The following MCOLN2 variants were observed in gnomAD, a reference collection of about 807,000 sequenced individuals.
MCOLN2 encodes the protein mucolipin TRP cation channel 2.
MCOLN2 carries 57 observed loss-of-function variants against 67.5 expected under a neutral mutation model. That is an observed-to-expected ratio of 0.84 (90% CI 0.68 to 1.05). The LOEUF (loss-of-function observed/expected upper bound fraction) is 1.05. Ranked by LOEUF, MCOLN2 falls within the 50% of genes least tolerant of loss-of-function variation. The probability of loss-of-function intolerance (pLI) is 0.00; values close to 1 mark genes in which losing one functional copy is unlikely to be tolerated. For synonymous variants in MCOLN2, 246 were observed against 233.3 expected, an observed-to-expected ratio of 1.05 and a Z score of -0.50; for missense variants, 620 against 678.8, an observed-to-expected ratio of 0.91 and a Z score of 0.96.
chr1:84,993,174 CT>C (rs1422956241), intron 1 of MCOLN2, among the ~76,000 whole-genome samples: 1 of 152,214 alleles, frequency 6.6e-6, no homozygotes, highest in African/African-American at 2.4e-5. Flanking sequence ...CAAGAAACCA[CT>C]TTCGTTGCTC....
chr1:84,966,380 A>G (rs1209004173), intron 1 of MCOLN2, among the ~76,000 whole-genome samples: 3 of 152,200 alleles, frequency 2.0e-5, no homozygotes, highest in African/African-American at 7.2e-5. Context: ...ATCTGTCACT[A>G]CAGAAAGTAT....
intron 7 of MCOLN2, among the ~76,000 whole-genome samples, chr1:84,942,000 C>G (rs143880415): frequency 1.3e-5 from 2 of 152,340 alleles, no homozygotes; most frequent in East Asian, 3.9e-4. Context: ...CTTCTTCACC[C>G]TACAGCCACA....
chr1:84,965,718 A>G lies in MCOLN2; in HGVS notation c.78-10T>C, dbSNP rs758355866. On this transcript the variant is annotated splice_polypyrimidine_tract_variant and intron_variant, in intron 1 of 13. Transcript: ENST00000370608. ...ATGTGCCATTGCATTTCTGCCACAG[A>G]AGATTAATTTTAAATATCCAGGAAA... 3.1e-6 allele frequency: 5 copies of G among 1,608,610 alleles called. No homozygotes were observed. The highest frequency in any genetic ancestry group is 4.2e-6 in the Non-Finnish European group (5 of 1,178,218).
intron 4 of MCOLN2, among the ~76,000 whole-genome samples, chr1:84,953,096 A>G (rs1182387831): frequency 3.3e-5 from 5 of 152,204 alleles, no homozygotes; most frequent in Non-Finnish European, 7.3e-5. Flanking sequence ...GTATTGTATC[A>G]ATGATAACTC....
At chr1:84,959,496 G>T in intron 2 of MCOLN2, among the ~76,000 whole-genome samples, 1 of 152,022 alleles carries the variant, frequency 6.6e-6, no homozygotes, top group South Asian at 2.1e-4. Context: ...AGCACCAAAA[G>T]TTTACACAAA....
intron 1 of MCOLN2, among the ~76,000 whole-genome samples, chr1:84,993,619 CTTTTT>C (rs869075778): frequency 1.2e-4 from 14 of 118,530 alleles, no homozygotes; most frequent in East Asian, 2.3e-4. Flanking sequence ...TAAATAATGT[CTTTTT>C]TTTTTTTTTT....
chr1:84,952,534 G>A lies in MCOLN2; in HGVS notation c.566-4C>T, dbSNP rs764324881. 3.8e-6 allele frequency: 6 copies of A among 1,596,960 alleles called. No individual in the cohort carries two copies. In the South Asian group the frequency reaches 5.5e-5, roughly 15 times the overall value. On this transcript the variant is annotated splice_polypyrimidine_tract_variant and splice_region_variant and intron_variant, in intron 4 of 13. Transcript: ENST00000370608. ...TGAAGGTCTAATTGAACACAATCTA[G>A]GGCAATGAAAGAACAAGAAATGGTT... is the stretch of plus-strand genomic sequence containing the variant.
intron 1 of MCOLN2, among the ~76,000 whole-genome samples, chr1:84,990,924 G>A (rs1215492059): frequency 1.3e-5 from 2 of 151,006 alleles, no homozygotes; most frequent in South Asian, 2.1e-4. Flanking sequence ...GACAGAACAC[G>A]ACCCAGGCTG....
intron 11 of MCOLN2, 79 bp downstream of exon 11, chr1:84,937,676 G>A: frequency 1.3e-6 from 2 of 1,574,558 alleles, no homozygotes; most frequent in Non-Finnish European, 1.7e-6. Context: ...AGAAGACCAG[G>A]AAGCAAGTAA....
rs1455803923 is a variant in MCOLN2 at position 84,950,726 on chromosome 1, T to C, written c.747+1517A>G. On this transcript the variant is annotated intron_variant, in intron 6 of 13. Transcript: ENST00000370608. Reference sequence around the variant, plus strand: ...GGATATGTAGGTGATCAAATCCACATGCACCTGCCTGTCTCTGAACACAAG... The same window carrying C: ...GGATATGTAGGTGATCAAATCCACACGCACCTGCCTGTCTCTGAACACAAG... 5.3e-5 allele frequency among the ~76,000 whole-genome samples: 8 copies of C among 152,308 alleles called. 1 individual carries two copies. In the Middle Eastern group the frequency reaches 0.02, roughly 389 times the overall value.
At chr1:84,931,920 A>C (rs1382723087) in intron 11 of MCOLN2, among the ~76,000 whole-genome samples, 2 of 151,944 alleles carry the variant, frequency 1.3e-5, no homozygotes, top group Non-Finnish European at 2.9e-5. Flanking sequence ...GCTATTCAGG[A>C]GGCTGGGGTG....
At position 84,939,610 on chromosome 1, in the gene MCOLN2, A is replaced by G; in HGVS notation, c.1053T>C (p.Ile351=). The stretch of plus-strand genomic sequence containing the variant: ...CAATGATTGTCATTAGGTCGCTGAT[A>G]ATCACCAGGACATACCAGCCGTTGA... ...EFINGWYVLV[I]ISDLMTIIGS... is the part of the protein sequence containing the mutation. Residue 351 remains isoleucine (I), a synonymous_variant, in exon 9 of 14, where the codon ATT becomes ATC. Transcript: ENST00000370608. 2 of 1,614,162 alleles carry G rather than the reference A, an allele frequency of 1.2e-6. No homozygotes were observed. Among genetic ancestry groups the G allele is most frequent in the South Asian group, 2.2e-5 (2 of 91,084 alleles).
chr1:84,945,811 A>G (rs1648069732), intron 7 of MCOLN2, among the ~76,000 whole-genome samples: 1 of 152,114 alleles, frequency 6.6e-6, no homozygotes, highest in Admixed American at 6.5e-5. Flanking sequence ...CAGTGGCATG[A>G]TCTCGGTTCA....
At chr1:84,991,203 T>C (rs1650874418) in intron 1 of MCOLN2, among the ~76,000 whole-genome samples, 1 of 152,116 alleles carries the variant, frequency 6.6e-6, no homozygotes, top group Non-Finnish European at 1.5e-5. Flanking sequence ...CCTGCCTTAG[T>C]TTGTGCACGA....
rs1331663008 is a variant in MCOLN2 at position 84,987,972 on chromosome 1, C to T, written c.77+8824G>A. 1.2e-4 allele frequency among the ~76,000 whole-genome samples: 19 copies of T among 152,056 alleles called. 1 individual carries two copies. Among genetic ancestry groups the T allele is most frequent in the Admixed American group, 1.2e-3 (19 of 15,268 alleles). On this transcript the variant is annotated intron_variant, in intron 1 of 13. Transcript: ENST00000370608. Reference sequence around the variant, plus strand: ...TACAGACTGGGTACAGTGTACACTGCTTGGGTGATGGGTGCACAAAAATTT... The same window carrying T: ...TACAGACTGGGTACAGTGTACACTGTTTGGGTGATGGGTGCACAAAAATTT...
At chr1:84,937,422 T>C (rs1044132543) in intron 11 of MCOLN2, 2 of 221,990 alleles carry the variant, frequency 9.0e-6, no homozygotes, top group Non-Finnish European at 1.6e-5. Flanking sequence ...TTTATAATAA[T>C]TTTCCTCACT....
At chr1:84,938,123 AT>A (rs1647541828) in intron 9 of MCOLN2, 41 bp from the exon 10 acceptor site, 1 of 1,435,634 alleles carries the variant, frequency 7.0e-7, no homozygotes, top group Non-Finnish European at 9.7e-7. Flanking sequence ...TGAGTAAAAT[AT>A]TTGACTCCAC....
intron 1 of MCOLN2, among the ~76,000 whole-genome samples, chr1:84,996,393 C>CATATATATATATATATATATAT (rs6143310): frequency 2.7e-4 from 34 of 123,942 alleles, no homozygotes; most frequent in South Asian, 7.4e-4. Flanking sequence ...GTATATATTT[C>CATATATATATATATATATATAT]ATATATATAT....
intron 7 of MCOLN2, among the ~76,000 whole-genome samples, chr1:84,942,007 C>T (rs1182013101): frequency 6.6e-6 from 1 of 152,188 alleles, no homozygotes; most frequent in African/African-American, 2.4e-5. Flanking sequence ...ACCCTACAGC[C>T]ACACTGATCT....
Sources: allele counts gnomAD v4.1 joint callset (sites outside exome capture counted in the v4.1 genomes callset), GRCh38; gene constraint gnomAD v4.1.1; transcripts MANE v1.5; gene names NCBI Gene and HGNC (gene_info 2026-07-23, HGNC 2026-07-21).